The following FARS2 variants were observed in gnomAD, a reference collection of about 807,000 sequenced individuals.
The protein encoded by FARS2 is phenylalanine--tRNA ligase, mitochondrial.
Under a neutral mutation model 46.4 loss-of-function variants are expected in FARS2, and 40 were observed. That is an observed-to-expected ratio of 0.86 (90% CI 0.67 to 1.12). The LOEUF (loss-of-function observed/expected upper bound fraction) is 1.12, where lower values mean the gene tolerates loss of function less well. FARS2 is among the 50% of genes most tolerant of loss of function. The pLI, the probability that FARS2 is intolerant of heterozygous loss-of-function variation, is 0.00. For synonymous variants in FARS2, 234 were observed against 214.9 expected, an observed-to-expected ratio of 1.09 and a Z score of -0.78; for missense variants, 513 against 567.9, an observed-to-expected ratio of 0.90 and a Z score of 0.98.
chr6:5,460,074 T>C (rs894622659), intron 4 of FARS2, among the ~76,000 whole-genome samples: 2 of 152,238 alleles, frequency 1.3e-5, no homozygotes, highest in Non-Finnish European at 2.9e-5. Context: ...ATTAGGTTAT[T>C]TTGACTGATG....
chr6:5,742,150 G>A (rs1003889173), intron 6 of FARS2, among the ~76,000 whole-genome samples: 9 of 152,100 alleles, frequency 5.9e-5, no homozygotes, highest in Non-Finnish European at 8.8e-5. Context: ...CCCCAGGATT[G>A]CCTGCTCCTA....
intron 1 of FARS2, among the ~76,000 whole-genome samples, chr6:5,368,319 G>A (rs1758810170): frequency 6.6e-6 from 1 of 152,176 alleles, no homozygotes. Flanking sequence ...GACAAAGGAA[G>A]GACAACTAGA....
At chr6:5,599,510 A>G (rs1351706029) in intron 5 of FARS2, among the ~76,000 whole-genome samples, 1 of 152,262 alleles carries the variant, frequency 6.6e-6, no homozygotes, top group African/African-American at 2.4e-5. Context: ...TGAAGATGAG[A>G]TAGAGACAGA....
At chr6:5,555,043 G>A (rs992937155) in intron 5 of FARS2, among the ~76,000 whole-genome samples, 4 of 152,054 alleles carry the variant, frequency 2.6e-5, no homozygotes, top group African/African-American at 4.8e-5. Context: ...TAATTCCCAC[G>A]TGTTGTGGGA....
chr6:5,460,181 G>A (rs920918234), intron 4 of FARS2, among the ~76,000 whole-genome samples: 1 of 152,152 alleles, frequency 6.6e-6, no homozygotes, highest in South Asian at 2.1e-4. Flanking sequence ...TTTTCTGTAT[G>A]CTTTTCAATA....
At chr6:5,536,332 A>G (rs538456061) in intron 4 of FARS2, among the ~76,000 whole-genome samples, 17 of 152,180 alleles carry the variant, frequency 1.1e-4, no homozygotes, top group Admixed American at 2.6e-4. Context: ...TGCCTGGCCT[A>G]ATTTATCTCT....
At chr6:5,473,546 A>C (rs200192299) in intron 4 of FARS2, among the ~76,000 whole-genome samples, 5 of 26,766 alleles carry the variant, frequency 1.9e-4, no homozygotes, top group African/African-American at 8.3e-4. Context: ...AAAAAAAAAC[A>C]AAAAAAAAAA....
intron 3 of FARS2, among the ~76,000 whole-genome samples, chr6:5,413,790 C>T (rs1197953317): frequency 1.3e-5 from 2 of 152,204 alleles, no homozygotes; most frequent in African/African-American, 4.8e-5. Flanking sequence ...TGGCTCTCTT[C>T]TTTCTTATTT....
chr6:5,538,005 C>T (rs942611261), intron 4 of FARS2, among the ~76,000 whole-genome samples: 1 of 152,030 alleles, frequency 6.6e-6, no homozygotes, highest in Admixed American at 6.6e-5. Flanking sequence ...ATGGGATGCT[C>T]AATACTGTAC....
At chr6:5,487,650 G>C (rs1489371016) in intron 4 of FARS2, among the ~76,000 whole-genome samples, 1 of 152,130 alleles carries the variant, frequency 6.6e-6, no homozygotes, top group Non-Finnish European at 1.5e-5. Flanking sequence ...AGATTCTGTG[G>C]TCTCCCCAAC....
At chr6:5,554,409 T>C (rs1265881626) in intron 5 of FARS2, among the ~76,000 whole-genome samples, 1 of 152,166 alleles carries the variant, frequency 6.6e-6, no homozygotes, top group Non-Finnish European at 1.5e-5. Context: ...AGGTCATCTC[T>C]GAGGTCAGTC....
rs560756911 is a variant in FARS2 at position 5,689,426 on chromosome 6, A to T, written c.1217+76106A>T. On this transcript the variant is annotated intron_variant, in intron 6 of 6. Coordinates refer to ENST00000274680, the MANE Select transcript of FARS2 (RefSeq NM_006567.5). ...TTTGTTCTCGTTGGTTTCAAAGAAC[A>T]TCTTTATTTCTGCCTTCATTTCGTT... Among the ~76,000 whole-genome samples, 23 of 152,150 alleles carry T rather than the reference A, an allele frequency of 1.5e-4. No homozygotes were observed. The East Asian group carries it at 4.2e-3, about 28-fold the overall frequency.
intron 1 of FARS2, among the ~76,000 whole-genome samples, chr6:5,277,663 T>C (rs1241953569): frequency 6.6e-6 from 1 of 152,238 alleles, no homozygotes; most frequent in Non-Finnish European, 1.5e-5. Flanking sequence ...TTATAGCATA[T>C]TATCAGCAGT....
intron 1 of FARS2, among the ~76,000 whole-genome samples, chr6:5,271,768 G>T (rs963289566): frequency 1.3e-5 from 2 of 151,858 alleles, no homozygotes; most frequent in Non-Finnish European, 1.5e-5. Flanking sequence ...TCACTATATT[G>T]GCCAGGCTGG....
chr6:5,651,908 C>A (rs900807652), intron 6 of FARS2, among the ~76,000 whole-genome samples: 6 of 152,112 alleles, frequency 3.9e-5, no homozygotes, highest in Admixed American at 3.3e-4. Flanking sequence ...CCACGCCTCA[C>A]CCCCTTGACA....
intron 2 of FARS2, among the ~76,000 whole-genome samples, chr6:5,391,826 C>G (rs1204209328): frequency 2.0e-5 from 3 of 152,144 alleles, no homozygotes; most frequent in Non-Finnish European, 2.9e-5. Context: ...TTGCAATCTA[C>G]TTTTATTCTT....
At chr6:5,473,665 A>G (rs200211) in intron 4 of FARS2, among the ~76,000 whole-genome samples, 128,562 of 152,148 alleles carry the variant, frequency 0.84, 54,462 homozygotes, top group East Asian at 1. Flanking sequence ...CCTGAGGGTT[A>G]TTCCATTGTT....
At chr6:5,567,682 G>T (rs1772399552) in intron 5 of FARS2, among the ~76,000 whole-genome samples, 1 of 152,204 alleles carries the variant, frequency 6.6e-6, no homozygotes, top group Non-Finnish European at 1.5e-5. Context: ...TTGATTCTAA[G>T]AGTCTTTTAA....
At chr6:5,746,180 A>T (rs1335859010) in intron 6 of FARS2, among the ~76,000 whole-genome samples, 1 of 152,132 alleles carries the variant, frequency 6.6e-6, no homozygotes. Flanking sequence ...ATCCTTTTAC[A>T]CTGCTGAGAC....
Sources: gnomAD v4.1 joint callset for allele counts (sites outside exome capture counted in the v4.1 genomes callset) on GRCh38, gnomAD v4.1.1 for gene constraint, MANE v1.5 for transcripts, NCBI Gene and HGNC (gene_info 2026-07-23, HGNC 2026-07-21) for gene names.